The following CAST variants were observed in gnomAD, a reference collection of about 807,000 sequenced individuals.
The protein encoded by CAST is calpastatin.
A neutral mutation model predicts 119.6 loss-of-function variants in CAST; 76 were observed. The ratio of observed to expected loss-of-function variants is 0.64; its 90% confidence interval spans 0.53 to 0.77. The LOEUF (loss-of-function observed/expected upper bound fraction) is 0.77, where lower values mean the gene tolerates loss of function less well. Ranked by LOEUF, CAST falls within the 30% of genes least tolerant of loss-of-function variation. The pLI is 0.00. For synonymous variants in CAST, 319 were observed against 331.6 expected (o/e 0.96, Z 0.41); for missense variants, 953 against 946.5 (o/e 1.01, Z -0.09).
intron 1 of CAST, among the ~76,000 whole-genome samples, chr5:96,664,517 C>T (rs1749067218): frequency 6.6e-6 from 1 of 152,116 alleles, no homozygotes; most frequent in Non-Finnish European, 1.5e-5. Context: ...CCACCTCAGC[C>T]TCCCAAAATG....
intron 1 of CAST, among the ~76,000 whole-genome samples, chr5:96,667,460 C>G (rs1398016819): frequency 6.6e-6 from 1 of 152,168 alleles, no homozygotes; most frequent in African/African-American, 2.4e-5. Context: ...ATGATACCCC[C>G]TTTGACTTAA....
chr5:96,439,701 G>A, the CAST span, among the ~76,000 whole-genome samples: 11 of 152,192 alleles, frequency 7.2e-5, 1 homozygote, highest in East Asian at 1.2e-3. Context: ...GTCACCTCGG[G>A]GTTGCTTTCT....
chr5:96,266,741 T>G, the CAST span, among the ~76,000 whole-genome samples: 1 of 152,136 alleles, frequency 6.6e-6, no homozygotes, highest in African/African-American at 2.4e-5. Context: ...AATACATAAC[T>G]AATTCATCAA....
At chr5:96,219,472 A>T in the CAST span, among the ~76,000 whole-genome samples, 4 of 152,220 alleles carry the variant, frequency 2.6e-5, no homozygotes, top group Non-Finnish European at 5.9e-5. Flanking sequence ...CTGATCCAAG[A>T]TTATACAGCT....
chr5:96,410,103 C>G, the CAST span, among the ~76,000 whole-genome samples: 1 of 152,100 alleles, frequency 6.6e-6, no homozygotes, highest in Non-Finnish European at 1.5e-5. Context: ...AGGTGTCTCC[C>G]TTTGTTCTCA....
intron 1 of CAST, among the ~76,000 whole-genome samples, chr5:96,610,190 C>G (rs1039464925): frequency 1.3e-5 from 2 of 152,190 alleles, no homozygotes; most frequent in Non-Finnish European, 1.5e-5. Flanking sequence ...TAAGATGTGC[C>G]TTTGCTCTTT....
the CAST span, among the ~76,000 whole-genome samples, chr5:96,293,632 C>T: frequency 2.0e-5 from 3 of 152,102 alleles, no homozygotes; most frequent in East Asian, 5.8e-4. Context: ...CTTTCTTCTC[C>T]TTCCAGAGAA....
chr5:96,113,067 A>T, the CAST span, among the ~76,000 whole-genome samples: 1 of 152,216 alleles, frequency 6.6e-6, no homozygotes, highest in South Asian at 2.1e-4. Flanking sequence ...AGAAGGGCTT[A>T]TTAAGTACCA....
the CAST span, among the ~76,000 whole-genome samples, chr5:96,267,958 T>C: frequency 6.6e-6 from 1 of 152,174 alleles, no homozygotes; most frequent in Non-Finnish European, 1.5e-5. Context: ...GTTTCTTCCT[T>C]TTTTCTCTGT....
At chr5:96,107,454 A>G in the CAST span, among the ~76,000 whole-genome samples, 11 of 151,880 alleles carry the variant, frequency 7.2e-5, no homozygotes, top group Non-Finnish European at 1.5e-4. Flanking sequence ...GCTTGTCTGT[A>G]AAGTATTTTA....
the CAST span, among the ~76,000 whole-genome samples, chr5:96,350,739 A>T: frequency 1.4e-4 from 21 of 152,134 alleles, no homozygotes; most frequent in African/African-American, 4.1e-4. Context: ...CTCCTTCTCC[A>T]TGTGCCCCCA....
the CAST span, among the ~76,000 whole-genome samples, chr5:96,489,491 T>C: frequency 6.6e-6 from 1 of 152,218 alleles, no homozygotes; most frequent in African/African-American, 2.4e-5. Context: ...ATTATATATA[T>C]GCATACACAG....
chr5:96,544,455 T>C (rs1745968899), intron 1 of CAST, among the ~76,000 whole-genome samples: 2 of 152,316 alleles, frequency 1.3e-5, no homozygotes, highest in South Asian at 4.1e-4. Flanking sequence ...GAATGACTTG[T>C]TGATGATGAC....
intron 1 of CAST, among the ~76,000 whole-genome samples, chr5:96,542,843 A>T (rs1025822080): frequency 6.6e-6 from 1 of 152,260 alleles, no homozygotes; most frequent in Admixed American, 6.5e-5. Flanking sequence ...ATGAGATGCC[A>T]TCTCACACTA....
the CAST span, among the ~76,000 whole-genome samples, chr5:96,515,506 C>T: frequency 1.1e-4 from 17 of 152,206 alleles, no homozygotes; most frequent in Non-Finnish European, 1.8e-4. Context: ...ACAGTATTCA[C>T]GTCCAATATC....
chr5:96,039,489 T>C, the CAST span, among the ~76,000 whole-genome samples: 3 of 152,068 alleles, frequency 2.0e-5, no homozygotes, highest in African/African-American at 7.2e-5. Context: ...TTTTCTTCTA[T>C]GATTTTTATG....
the CAST span, among the ~76,000 whole-genome samples, chr5:96,076,999 A>G: frequency 6.6e-6 from 1 of 151,200 alleles, no homozygotes; most frequent in South Asian, 2.1e-4. Flanking sequence ...ATGCTTTTTT[A>G]TGTAACATTC....
At chr5:96,180,965 A>G in the CAST span, among the ~76,000 whole-genome samples, 2 of 152,242 alleles carry the variant, frequency 1.3e-5, no homozygotes, top group Non-Finnish European at 2.9e-5. Context: ...TGATCAATTT[A>G]TTTAAGATAA....
rs144063264 is a variant in CAST, at chr5:96,752,973, C to A, written c.1525-1087C>A. ...ATGATGCATTTTATACACACACACA[C>A]ACACACACACACACACACTCTTACA... On this transcript the variant is annotated intron_variant, in intron 20 of 31. Transcript: ENST00000675179. Among the ~76,000 whole-genome samples, 1,126 of 150,106 alleles carry A rather than the reference C, an allele frequency of 7.5e-3. 8 individuals carry two copies. The highest frequency in any genetic ancestry group is 0.019 in the South Asian group (87 of 4,696).
Sources: gnomAD v4.1 joint callset for allele counts (sites outside exome capture counted in the v4.1 genomes callset) on GRCh38, gnomAD v4.1.1 for gene constraint, MANE v1.5 for transcripts, NCBI Gene and HGNC (gene_info 2026-07-23, HGNC 2026-07-21) for gene names.